GXYLT1: variants seen among roughly 807,000 people sequenced by gnomAD.
GXYLT1 encodes the protein glucoside xylosyltransferase 1, also known as glycosyltransferase 8 domain containing 3.
A neutral mutation model predicts 54.0 loss-of-function variants in GXYLT1; 29 were observed. The ratio of observed to expected loss-of-function variants is 0.54; its 90% CI spans 0.40 to 0.73. The LOEUF is 0.73. Among genes scored for constraint, GXYLT1 ranks in the 30% least tolerant of loss-of-function variants. The pLI is 0.00. For synonymous variants in GXYLT1, 176 were observed against 204.1 expected, an observed-to-expected ratio of 0.86 and a Z score of 1.17; for missense variants, 490 against 553.4, an observed-to-expected ratio of 0.89 and a Z score of 1.15.
At chr12:42,101,105 G>A (rs892404776) in intron 5 of GXYLT1, among the ~76,000 whole-genome samples, 6 of 152,078 alleles carry the variant, frequency 3.9e-5, no homozygotes, top group Non-Finnish European at 4.4e-5. Context: ...AAGCGATAAC[G>A]CTAGTATTAT....
chr12:42,136,592 A>C (rs1279775060), intron 1 of GXYLT1, among the ~76,000 whole-genome samples: 1 of 152,204 alleles, frequency 6.6e-6, no homozygotes, highest in African/African-American at 2.4e-5. Flanking sequence ...CAACTGACCA[A>C]GGGGTAGCAC....
chr12:42,141,672 T>C (rs562498571), intron 1 of GXYLT1, among the ~76,000 whole-genome samples: 1 of 152,350 alleles, frequency 6.6e-6, no homozygotes, highest in East Asian at 1.9e-4. Flanking sequence ...TTATCAATTA[T>C]ACCCTACTAA....
Position 42,123,918 on chromosome 12 carries a change from T to C in GXYLT1, c.315-4747A>G, listed in dbSNP as rs185009069. On this transcript the variant is annotated intron_variant, in intron 2 of 7. Transcript: ENST00000398675. ...CCTTTTTCTCTTACTATTAAAAGAG[T>C]TGTTCCCAGCAACACATAATGGACT... Among the ~76,000 whole-genome samples the C allele has an allele frequency of 2.5e-3, 374 of 150,764 alleles. 1 individual carries two copies. The highest frequency in any genetic ancestry group is 3.3e-3 in the Non-Finnish European group (224 of 67,608).
chr12:42,087,961 A>G lies in GXYLT1; in HGVS notation c.1162-14T>C, dbSNP rs2065306717. On this transcript the variant is annotated splice_polypyrimidine_tract_variant and intron_variant, in intron 7 of 7. Transcript: ENST00000398675. Reference sequence around the variant, plus strand: ...TTCAAAAGAACACTAGAGAAAGAAAATTTTAAAAAATAAAAAATTTAAAAG... The same window carrying G: ...TTCAAAAGAACACTAGAGAAAGAAAGTTTTAAAAAATAAAAAATTTAAAAG... 7 of 1,411,816 alleles carry G rather than the reference A, an allele frequency of 5.0e-6. No individual in the cohort carries two copies. The allele number at this position is 1,411,816 out of a possible 1,614,324, so 87.5% of individuals were successfully genotyped here.
At chr12:42,127,996 G>A (rs989529880) in intron 2 of GXYLT1, among the ~76,000 whole-genome samples, 1 of 152,170 alleles carries the variant, frequency 6.6e-6, no homozygotes, top group Non-Finnish European at 1.5e-5. Flanking sequence ...GATGCATACT[G>A]TATTGAGAAT....
chr12:42,116,965 C>A (rs1030767433), intron 3 of GXYLT1, among the ~76,000 whole-genome samples: 1 of 151,818 alleles, frequency 6.6e-6, no homozygotes, highest in African/African-American at 2.4e-5. Flanking sequence ...ATGATGAGTT[C>A]ATGTCCTTTG....
At chr12:42,144,345 C>T in intron 1 of GXYLT1, 81 bp downstream of exon 1, 4 of 902,960 alleles carry the variant, frequency 4.4e-6, no homozygotes, top group Non-Finnish European at 5.9e-6. Context: ...CGGCACCCAC[C>T]GGCGAGCAGC....
intron 7 of GXYLT1, among the ~76,000 whole-genome samples, chr12:42,094,404 T>C (rs1253962802): frequency 7.2e-6 from 1 of 139,614 alleles, no homozygotes; most frequent in Non-Finnish European, 1.5e-5. Context: ...ATGCCTGTAA[T>C]CTCAGCCACT....
chr12:42,094,938 T>C (rs2136877155), intron 7 of GXYLT1, among the ~76,000 whole-genome samples: 1 of 152,270 alleles, frequency 6.6e-6, no homozygotes, highest in Non-Finnish European at 1.5e-5. Context: ...CTTTGTGGTA[T>C]ATAAATTATG....
chr12:42,141,903 C>A (rs2065654124), intron 1 of GXYLT1, among the ~76,000 whole-genome samples: 1 of 152,162 alleles, frequency 6.6e-6, no homozygotes. Flanking sequence ...CTGTTCCTTT[C>A]ATTTTAAAGT....
intron 2 of GXYLT1, among the ~76,000 whole-genome samples, chr12:42,119,873 G>T (rs565079278): frequency 6.6e-6 from 1 of 152,246 alleles, no homozygotes; most frequent in Non-Finnish European, 1.5e-5. Context: ...TAAAAATGTT[G>T]AATCAATCAC....
At chr12:42,122,615 C>T (rs1358058425) in intron 2 of GXYLT1, among the ~76,000 whole-genome samples, 2 of 151,858 alleles carry the variant, frequency 1.3e-5, no homozygotes, top group African/African-American at 2.4e-5. Context: ...GTGAACACAT[C>T]GTCAAAAAAT....
chr12:42,083,471 T>C lies in GXYLT1; in HGVS notation c.*4315A>G, dbSNP rs2065265311. 6.6e-6 allele frequency: 1 copy of C among 152,246 alleles called. No individual in the cohort carries two copies. Among genetic ancestry groups the C allele is most frequent in the African/African-American group, 2.4e-5 (1 of 41,474 alleles). The allele number at this position is 152,246 out of a possible 1,614,324, so 9.4% of individuals were successfully genotyped here. On this transcript the variant is annotated 3_prime_UTR_variant, in exon 8 of 8. Transcript: ENST00000398675. ...TGGATAACTGGCCCCACACCTGACATATTGCACCCCTACTTTTCTTCTCTA... is the reference window on the plus strand; with the variant it reads ...TGGATAACTGGCCCCACACCTGACACATTGCACCCCTACTTTTCTTCTCTA...
chr12:42,100,581 T>C (rs527284236), intron 5 of GXYLT1, among the ~76,000 whole-genome samples: 2 of 151,898 alleles, frequency 1.3e-5, no homozygotes, highest in African/African-American at 4.8e-5. Context: ...CATACTTAAA[T>C]TGATGTGCTA....
In GXYLT1 at chr12:42,087,879, C is replaced by T. The variant is rs759341109; in HGVS notation, c.1230G>A (p.Val410=). ...TGTAAATTTTTCCACAGTATGTATG[C>T]ACTGTTTTTTGTAGTTCCAGTTCTA... is the stretch of plus-strand genomic sequence containing the variant. ...KPLELELQKT[V]HTYCGKIYKI... is the part of the protein sequence containing the mutation. Residue 410 remains valine (V), a synonymous_variant, in exon 8 of 8, where the codon GTG becomes GTA. Coordinates refer to ENST00000398675, the MANE Select transcript of GXYLT1 (RefSeq NM_173601.2). 14 of 1,593,364 alleles carry T rather than the reference C, an allele frequency of 8.8e-6. 1 individual carries two copies. Among genetic ancestry groups the T allele is most frequent in the Non-Finnish European group, 1.1e-5 (13 of 1,164,720 alleles).
chr12:42,115,499 G>A (rs971082568), intron 3 of GXYLT1, among the ~76,000 whole-genome samples: 1 of 152,122 alleles, frequency 6.6e-6, no homozygotes, highest in Non-Finnish European at 1.5e-5. Context: ...GACAACTAGA[G>A]AGCCAAATCA....
At chr12:42,088,392 T>C (rs1264319026) in intron 7 of GXYLT1, among the ~76,000 whole-genome samples, 1 of 152,058 alleles carries the variant, frequency 6.6e-6, no homozygotes, top group Non-Finnish European at 1.5e-5. Context: ...GAATGTAAGA[T>C]GATAACATAG....
At chr12:42,130,105 C>G (rs2065585918) in intron 1 of GXYLT1, among the ~76,000 whole-genome samples, 2 of 152,182 alleles carry the variant, frequency 1.3e-5, no homozygotes, top group Non-Finnish European at 2.9e-5. Flanking sequence ...GTCGGAGAGT[C>G]TCCTGATAAA....
intron 1 of GXYLT1, among the ~76,000 whole-genome samples, chr12:42,143,751 C>T (rs1031492198): frequency 1.3e-5 from 2 of 152,180 alleles, no homozygotes; most frequent in African/African-American, 4.8e-5. Flanking sequence ...GTCATTACGT[C>T]GCTTTTTAAA....
Sources: allele counts gnomAD v4.1 joint callset (sites outside exome capture counted in the v4.1 genomes callset), GRCh38; gene constraint gnomAD v4.1.1; transcripts MANE v1.5; gene names NCBI Gene and HGNC (gene_info 2026-07-23, HGNC 2026-07-21).